Variants in CFAP299 observed in about 807,000 individuals in gnomAD.
CFAP299 encodes cilia and flagella associated protein 299, also known as cilia- and flagella-associated protein 299.
CFAP299 carries 21 observed loss-of-function variants against 27.0 expected under a neutral mutation model. That is an observed-to-expected ratio of 0.78 (90% CI 0.55 to 1.12). The LOEUF is 1.12. CFAP299 is among the 50% of genes most tolerant of loss of function. The pLI is 0.00. For missense variants in CFAP299, 310 were observed against 276.6 expected, an observed-to-expected ratio of 1.12 and a Z score of -0.86; for synonymous variants, 104 against 98.1, an observed-to-expected ratio of 1.06 and a Z score of -0.36.
At chr4:80,329,609 T>C in the CFAP299 span, among the ~76,000 whole-genome samples, 5 of 152,288 alleles carry the variant, frequency 3.3e-5, no homozygotes, top group Non-Finnish European at 5.9e-5. Context: ...CCTAGAGAAG[T>C]AGAGCTGAGC....
At chr4:80,487,662 G>A (rs114754700) in intron 2 of CFAP299, among the ~76,000 whole-genome samples, 1 of 152,162 alleles carries the variant, frequency 6.6e-6, no homozygotes, top group African/African-American at 2.4e-5. Context: ...GATGAAAAAA[G>A]AGGAATAAGT....
chr4:80,443,567 C>T (rs1197016421), intron 2 of CFAP299, among the ~76,000 whole-genome samples: 2 of 152,144 alleles, frequency 1.3e-5, no homozygotes, highest in Admixed American at 6.5e-5. Flanking sequence ...AACCCACAGC[C>T]AATATCATAC....
chr4:80,618,278 C>A (rs992868533), intron 3 of CFAP299, among the ~76,000 whole-genome samples: 4 of 151,948 alleles, frequency 2.6e-5, no homozygotes, highest in African/African-American at 4.8e-5. Flanking sequence ...AGTATAAAGG[C>A]AAACTGTTTT....
At chr4:80,738,579 G>A (rs1217213505) in intron 3 of CFAP299, among the ~76,000 whole-genome samples, 1 of 151,382 alleles carries the variant, frequency 6.6e-6, no homozygotes, top group South Asian at 2.1e-4. Flanking sequence ...CCTCTGACAT[G>A]GAATATTTTT....
chr4:80,473,243 G>A (rs541812621), intron 2 of CFAP299, among the ~76,000 whole-genome samples: 118 of 152,136 alleles, frequency 7.8e-4, no homozygotes, highest in Admixed American at 5.2e-4. Context: ...TTACAGATGA[G>A]TAGCGATCAG....
chr4:80,601,341 A>G (rs555441458), intron 3 of CFAP299, among the ~76,000 whole-genome samples: 7 of 152,258 alleles, frequency 4.6e-5, no homozygotes, highest in Admixed American at 4.6e-4. Flanking sequence ...AAAATTTTTC[A>G]TGTGATAAAT....
intron 5 of CFAP299, among the ~76,000 whole-genome samples, chr4:80,948,743 C>T (rs747642238): frequency 1.3e-5 from 2 of 151,954 alleles, no homozygotes; most frequent in Non-Finnish European, 2.9e-5. Flanking sequence ...GAGAGGCCAT[C>T]ACCTGGAAAA....
chr4:80,511,768 A>G (rs1363492843), intron 2 of CFAP299, among the ~76,000 whole-genome samples: 1 of 152,100 alleles, frequency 6.6e-6, no homozygotes, highest in Non-Finnish European at 1.5e-5. Context: ...ACTAGAGTGA[A>G]TCTTTTTATC....
At chr4:80,629,133 A>T (rs1216069862) in intron 3 of CFAP299, among the ~76,000 whole-genome samples, 3 of 152,196 alleles carry the variant, frequency 2.0e-5, no homozygotes. Context: ...TAAGCCATAA[A>T]AAAGAAGGAA....
At chr4:80,372,273 C>T (rs1578366760) in intron 2 of CFAP299, among the ~76,000 whole-genome samples, 1 of 152,308 alleles carries the variant, frequency 6.6e-6, no homozygotes, top group East Asian at 1.9e-4. Context: ...ATGGGGAAAT[C>T]TGCCCCCATG....
At chr4:80,425,269 A>G (rs1370573787) in intron 2 of CFAP299, among the ~76,000 whole-genome samples, 1 of 152,034 alleles carries the variant, frequency 6.6e-6, no homozygotes, top group Non-Finnish European at 1.5e-5. Flanking sequence ...TTCACATGGT[A>G]TTTTTTTCTG....
intron 2 of CFAP299, among the ~76,000 whole-genome samples, chr4:80,555,613 A>T (rs1291650325): frequency 1.3e-5 from 2 of 152,104 alleles, no homozygotes; most frequent in Non-Finnish European, 2.9e-5. Flanking sequence ...TTTGGCTGTA[A>T]GTCCATCAGT....
intron 2 of CFAP299, among the ~76,000 whole-genome samples, chr4:80,381,385 T>TAAAATTCTTGTAAATCGCTAATCCAG (rs1167375951): frequency 2.1e-3 from 2 of 962 alleles, no homozygotes; most frequent in African/African-American, 2.5e-3. Context: ...TATACATTTT[T>TAAAATTCTTGTAAATCGCTAATCCAG]TTTTTTTTTT....
At position 80,852,894 on chromosome 4, in the gene CFAP299, G is replaced by T. The variant is rs543979429; in HGVS notation, c.334-17099G>T. ...CATCAATGCATTCACTCAGCAAATA[G>T]TTGTTGAGCGGCCAGTATGTACCAG... On this transcript the variant is annotated intron_variant, in intron 3 of 5. Transcript: ENST00000358105. 7.4e-4 allele frequency among the ~76,000 whole-genome samples: 113 copies of T among 152,272 alleles called. 2 individuals carry two copies. The highest frequency in any genetic ancestry group is 6.8e-3 in the Middle Eastern group (2 of 294).
chr4:80,594,297 TCAAA>T (rs1053071328), intron 3 of CFAP299, among the ~76,000 whole-genome samples: 4 of 152,116 alleles, frequency 2.6e-5, no homozygotes, highest in African/African-American at 9.7e-5. Flanking sequence ...GTGGAACTTT[TCAAA>T]CACTTATAAA....
intron 3 of CFAP299, among the ~76,000 whole-genome samples, chr4:80,592,814 G>T (rs2109888177): frequency 6.6e-6 from 1 of 152,226 alleles, no homozygotes; most frequent in Admixed American, 6.5e-5. Context: ...CATAATATTT[G>T]AAACATTTTT....
chr4:80,925,372 A>T (rs1358532090), intron 4 of CFAP299, among the ~76,000 whole-genome samples: 1 of 151,950 alleles, frequency 6.6e-6, no homozygotes, highest in African/African-American at 2.4e-5. Flanking sequence ...AACATGATTT[A>T]CGCTACTACA....
intron 3 of CFAP299, among the ~76,000 whole-genome samples, chr4:80,803,356 T>C (rs1728707496): frequency 6.6e-6 from 1 of 152,120 alleles, no homozygotes; most frequent in South Asian, 2.1e-4. Flanking sequence ...AAATGTATTT[T>C]GAAACATTAT....
chr4:80,870,679 G>T, intron 4 of CFAP299: 1 of 985,326 alleles, frequency 1.0e-6, no homozygotes, highest in Non-Finnish European at 1.2e-6. Context: ...ATTCACAGAT[G>T]GGTTCTTCTA....
Sources: gnomAD v4.1 joint callset for allele counts (sites outside exome capture counted in the v4.1 genomes callset) on GRCh38, gnomAD v4.1.1 for gene constraint, MANE v1.5 for transcripts, NCBI Gene and HGNC (gene_info 2026-07-23, HGNC 2026-07-21) for gene names.